Variants in MYO19 observed in about 807,000 individuals in gnomAD.
MYO19 encodes the protein myosin XIX, also known as unconventional myosin-XIX.
A neutral mutation model predicts 129.2 loss-of-function variants in MYO19; 132 were observed. The ratio of observed to expected loss-of-function variants is 1.02; its 90% CI spans 0.89 to 1.18. MYO19 has a LOEUF of 1.18. Among genes scored for constraint, MYO19 ranks in the 50% most tolerant of loss-of-function variants. MYO19 has a pLI of 0.00. For missense variants in MYO19, 1,210 were observed against 1,216.7 expected, an observed-to-expected ratio of 0.99 and a Z score of 0.08; for synonymous variants, 531 against 477.2, an observed-to-expected ratio of 1.11 and a Z score of -1.47.
intron 25 of MYO19, among the ~76,000 whole-genome samples, chr17:36,497,320 G>GA (rs112241229): frequency 0.095 from 12,602 of 132,378 alleles, 970 homozygotes; most frequent in African/African-American, 0.22. Flanking sequence ...TAAATAACAT[G>GA]AAAAAAAAAA....
rs755751395 is a variant in MYO19 at position 36,506,559 on chromosome 17, G to C, written c.1694C>G (p.Pro565Arg). Residue 565 changes from proline to arginine, a missense_variant, in exon 18 of 26, where the codon CCC becomes CGC. Transcript: ENST00000614623. ...LTRLLQQSQD[P>R]LLMGLFPTNP... is the part of the protein sequence containing the mutation. The stretch of plus-strand genomic sequence containing the variant: ...AGTAGGAAACAGCCCCATGAGCAGG[G>C]GGTCCTGGGATTGCTGCAGGAGCCT... The C allele has an allele frequency of 6.3e-7, 1 of 1,578,594 alleles. No individual in the cohort carries two copies. Among genetic ancestry groups the C allele is most frequent in the South Asian group, 1.2e-5 (1 of 85,118 alleles).
chr17:36,516,925 G>T (rs1006106671), intron 6 of MYO19, among the ~76,000 whole-genome samples: 2 of 151,998 alleles, frequency 1.3e-5, no homozygotes, highest in African/African-American at 4.8e-5. Context: ...TGTAGAACTG[G>T]TAACATTTCT....
In MYO19 at chr17:36,496,292, G is replaced by C. The variant is rs369986740; in HGVS notation, c.2872C>G (p.Leu958Val). 30 of 1,613,940 alleles carry C rather than the reference G, an allele frequency of 1.9e-5. No individual in the cohort carries two copies. The highest frequency in any genetic ancestry group is 2.5e-5 in the Non-Finnish European group (29 of 1,179,914). ...AAGGCAGAAGAGGTCACGTGGATCA[G>C]CCTGTGTCTTTCCAGCAGAATCTGA... ...FNQILLERHR[L>V]IHVTSSAFTG... Residue 958 changes from leucine (L) to valine (V), a missense_variant, in exon 26 of 26, where the codon CTG becomes GTG. Leu to Val is a conservative substitution (Grantham distance 32). Transcript: ENST00000614623.
chr17:36,525,192 T>G (rs760492122), intron 6 of MYO19, 36 bp downstream of exon 6: 1 of 1,498,540 alleles, frequency 6.7e-7, no homozygotes, highest in Non-Finnish European at 9.3e-7. Flanking sequence ...ACCCAGCCAG[T>G]CGTGAGTTGA....
At chr17:36,509,617 G>A (rs889582814) in intron 13 of MYO19, 1 of 185,274 alleles carries the variant, frequency 5.4e-6, no homozygotes, top group Non-Finnish European at 1.1e-5. Context: ...GGTCAACAAT[G>A]GCATCCTCCA....
At chr17:36,544,658 C>T (rs969300992), upstream of MYO19, among the ~76,000 whole-genome samples, 3 of 152,218 alleles carry the variant, frequency 2.0e-5, no homozygotes, top group African/African-American at 7.2e-5. Context: ...GAAGCCTTCC[C>T]GGCCCGCGGC....
At chr17:36,542,994 G>A (rs1383550370) in intron 1 of MYO19, 1 of 151,710 alleles carries the variant, frequency 6.6e-6, no homozygotes, top group Admixed American at 6.6e-5. Context: ...GGGATTACAG[G>A]TGTTAGCCGC....
chr17:36,537,743 C>G (rs775786836), upstream of MYO19: 2 of 1,613,968 alleles, frequency 1.2e-6, no homozygotes, highest in East Asian at 2.2e-5. Flanking sequence ...TCCTAGGAAT[C>G]GGACGATTAG....
At chr17:36,514,351 A>G in intron 9 of MYO19, 95 bp downstream of exon 9, 3 of 795,390 alleles carry the variant, frequency 3.8e-6, no homozygotes, top group Non-Finnish European at 6.6e-6. Context: ...AGGTGAAGGA[A>G]CCAGGTATGG....
chr17:36,523,024 CA>C (rs549906768), intron 6 of MYO19, among the ~76,000 whole-genome samples: 9,408 of 111,058 alleles, frequency 0.085, 541 homozygotes, highest in African/African-American at 0.18. Flanking sequence ...AAACAAAAAA[CA>C]AAAAAAAAAA....
chr17:36,499,265 C>T lies in MYO19; in HGVS notation c.2378-105G>A, dbSNP rs533075777. 124 of 712,604 alleles carry T rather than the reference C, an allele frequency of 1.7e-4. No homozygotes were observed. The African/African-American group carries it at 2.0e-3, about 12-fold the overall frequency. 44.1% of individuals were successfully genotyped at this position (712,604 alleles called of 1,614,324 possible). A position where few individuals can be genotyped will look rare whatever the true frequency, so the allele number is the denominator to read the frequency against. ...ACAGTTGCTGTCAAAGTTTCAAATACGTTTTTTTTTTTTCAATAAATTGCT... is the reference window on the plus strand; with the variant it reads ...ACAGTTGCTGTCAAAGTTTCAAATATGTTTTTTTTTTTTCAATAAATTGCT... On this transcript the variant is annotated intron_variant, in intron 23 of 25. Transcript: ENST00000614623.
At chr17:36,529,255 G>A (rs1302766286) in intron 3 of MYO19, among the ~76,000 whole-genome samples, 1 of 151,974 alleles carries the variant, frequency 6.6e-6, no homozygotes, top group Non-Finnish European at 1.5e-5. Context: ...CAACTCCTGA[G>A]CTCAAGTGAT....
At chr17:36,534,343 G>A (rs547023433) in intron 1 of MYO19, 1 of 152,278 alleles carries the variant, frequency 6.6e-6, no homozygotes, top group Admixed American at 6.5e-5. Context: ...CCAGGGCTGG[G>A]ATGCCGTTCC....
At chr17:36,538,436 C>T (rs777402145), upstream of MYO19, 2 of 1,614,122 alleles carry the variant, frequency 1.2e-6, no homozygotes, top group Non-Finnish European at 8.5e-7. Flanking sequence ...CAGCTCTAAA[C>T]AGAAAACAGT....
chr17:36,503,014 G>A (rs1474713177), intron 21 of MYO19, 83 bp downstream of exon 21: 6 of 1,179,468 alleles, frequency 5.1e-6, no homozygotes, highest in South Asian at 3.8e-5. Flanking sequence ...GTAAGCCCCA[G>A]CCCCTAGCCC....
At chr17:36,536,845 G>A (rs1401280730), upstream of MYO19, among the ~76,000 whole-genome samples, 2 of 152,124 alleles carry the variant, frequency 1.3e-5, no homozygotes, top group African/African-American at 4.8e-5. Context: ...AGTCTGTCTT[G>A]TACAGGGAAT....
At chr17:36,539,703 C>T (rs1244755926), upstream of MYO19, among the ~76,000 whole-genome samples, 1 of 152,144 alleles carries the variant, frequency 6.6e-6, no homozygotes, top group African/African-American at 2.4e-5. Flanking sequence ...CATCTTTTAG[C>T]CTACCCTATG....
chr17:36,499,649 TTTTTCTTTTTGTTTC>T (rs2071329280), intron 23 of MYO19: 1 of 148,270 alleles, frequency 6.7e-6, no homozygotes, highest in Non-Finnish European at 1.5e-5. Context: ...CAGCATATTC[TTTTTCTTTTTGTTTC>T]TTTTTTTTTT....
At chr17:36,542,543 C>T (rs746778446) in intron 1 of MYO19, among the ~76,000 whole-genome samples, 8 of 151,698 alleles carry the variant, frequency 5.3e-5, no homozygotes, top group African/African-American at 9.7e-5. Flanking sequence ...AATAAAAACA[C>T]AAAAAATTAG....
Sources: gnomAD v4.1 joint callset for allele counts (sites outside exome capture counted in the v4.1 genomes callset) on GRCh38, gnomAD v4.1.1 for gene constraint, MANE v1.5 for transcripts, NCBI Gene and HGNC (gene_info 2026-07-23, HGNC 2026-07-21) for gene names.